SRP68: variants seen among roughly 807,000 people sequenced by gnomAD.
SRP68 encodes signal recognition particle 68, also known as signal recognition particle subunit SRP68.
A neutral mutation model predicts 82.2 loss-of-function variants in SRP68; 15 were observed. That is an observed-to-expected ratio of 0.18 (90% confidence interval 0.12 to 0.28). The LOEUF is 0.28. Among genes scored for constraint, SRP68 ranks in the 10% least tolerant of loss-of-function variants. The probability of loss-of-function intolerance (pLI) is 1.00; values close to 1 mark genes in which losing one functional copy is unlikely to be tolerated. For missense variants in SRP68, 595 were observed against 780.5 expected, an observed-to-expected ratio of 0.76 and a Z score of 2.83; for synonymous variants, 261 against 292.6, an observed-to-expected ratio of 0.89 and a Z score of 1.10.
chr17:76,045,509 G>A (rs1342639656), intron 11 of SRP68, 123 bp from the exon 12 acceptor site: 3 of 679,234 alleles, frequency 4.4e-6, no homozygotes, highest in Non-Finnish European at 7.4e-6. Flanking sequence ...AATACGATGG[G>A]GAAAAGCCTG....
At position 76,040,009 on chromosome 17, in the gene SRP68, G is replaced by T; in HGVS notation, c.1657-76C>A. 4.9e-6 allele frequency: 7 copies of T among 1,436,080 alleles called. No homozygotes were observed. The South Asian group carries it at 8.7e-5, about 18-fold the overall frequency. 89.0% of individuals were successfully genotyped at this position (1,436,080 alleles called of 1,614,324 possible). ...TGGTGAACATTCCTGAGTGCCGACT[G>T]CCTGGTTCAGAGCTTTACAGGGGCC... On this transcript the variant is annotated intron_variant, in intron 15 of 15. Coordinates refer to ENST00000307877, the MANE Select transcript of SRP68 (RefSeq NM_014230.4).
intron 1 of SRP68, 68 bp from the exon 2 acceptor site, chr17:76,070,512 G>T: frequency 7.6e-7 from 1 of 1,307,620 alleles, no homozygotes; most frequent in Non-Finnish European, 1.1e-6. Context: ...TGTACCATCA[G>T]TCTATATCTG....
Position 76,072,390 on chromosome 17 carries a change from T to G in SRP68, c.102A>C (p.Gly34=), listed in dbSNP as rs762679640. 6.2e-7 allele frequency: 1 copy of G among 1,604,126 alleles called. No homozygotes were observed. Among genetic ancestry groups the G allele is most frequent in the Non-Finnish European group, 8.5e-7 (1 of 1,176,586 alleles). ...GTTCGTTTTCTTTATTTTCTTCCCC[T>G]CCGGCACCACGTCCACCGCCGCTAC... ...GGGSGGGRGA[G]GEENKENERP... The change falls in exon 1 of 16, where the codon GGA becomes GGC. Residue 34 remains glycine (G), a synonymous_variant. Transcript: ENST00000307877. This position sits in a 1 kb window ranked among gnomAD's most constrained non-coding sequence, Gnocchi z 4.5.
chr17:76,063,026 T>C (rs985111745), intron 4 of SRP68, among the ~76,000 whole-genome samples: 10 of 151,352 alleles, frequency 6.6e-5, no homozygotes, highest in Admixed American at 2.0e-4. Context: ...CACCTTGGCC[T>C]CCCAAAGTGC....
chr17:76,053,163 G>A (rs1484116166), intron 8 of SRP68, among the ~76,000 whole-genome samples: 1 of 151,386 alleles, frequency 6.6e-6, no homozygotes, highest in Admixed American at 6.6e-5. Flanking sequence ...TATTCCAGGA[G>A]GCAAAGGTGG....
chr17:76,057,310 A>C, intron 8 of SRP68, 93 bp downstream of exon 8: 2 of 1,496,396 alleles, frequency 1.3e-6, no homozygotes, highest in Non-Finnish European at 1.8e-6. Flanking sequence ...TTGTTTTATG[A>C]GAACTGAATA....
At chr17:76,057,334 A>T in intron 8 of SRP68, 69 bp downstream of exon 8, 1 of 1,589,410 alleles carries the variant, frequency 6.3e-7, no homozygotes, top group Non-Finnish European at 8.6e-7. Flanking sequence ...ACGAGCCACT[A>T]CATCTTAAAC....
intron 12 of SRP68, 34 bp downstream of exon 12, chr17:76,045,258 G>A (rs759389552): frequency 6.5e-7 from 1 of 1,542,738 alleles, no homozygotes; most frequent in South Asian, 1.1e-5. Context: ...AACCTGGGAG[G>A]CGGAGGAAAA....
intron 12 of SRP68, 40 bp from the exon 13 acceptor site, chr17:76,043,998 C>T: frequency 6.3e-7 from 1 of 1,575,532 alleles, no homozygotes; most frequent in African/African-American, 1.4e-5. Flanking sequence ...TCTAAAGCAG[C>T]AATTACCCAA....
chr17:76,065,676 T>C (rs747234661), intron 3 of SRP68, among the ~76,000 whole-genome samples: 59 of 152,274 alleles, frequency 3.9e-4, no homozygotes, highest in East Asian at 2.1e-3. Flanking sequence ...CGACACAGAA[T>C]GTTCTTCACT....
intron 3 of SRP68, among the ~76,000 whole-genome samples, chr17:76,066,087 G>A (rs529356716): frequency 3.0e-4 from 46 of 152,118 alleles, no homozygotes; most frequent in Admixed American, 5.2e-4. Flanking sequence ...TTGCCTGACA[G>A]ACTAAAAATT....
Position 76,049,396 on chromosome 17 carries a change from GA to G in SRP68, c.1077+1031del, listed in dbSNP as rs1387800004. 19 of 152,332 alleles carry G rather than the reference GA, an allele frequency of 1.2e-4. 1 individual carries two copies. The highest frequency in any genetic ancestry group is 1.2e-3 in the Admixed American group (19 of 15,288). The allele number at this position is 152,332 out of a possible 1,614,324, so 9.4% of individuals were successfully genotyped here. On this transcript the variant is annotated intron_variant, in intron 9 of 15. Coordinates refer to ENST00000307877, the MANE Select transcript of SRP68 (RefSeq NM_014230.4). Reference sequence around the variant, plus strand: ...AAAAACAGATGGGGTTTGGACAGGTGAAGAGGGGCAGGAAAGATTACCCAAG... The same window carrying G: ...AAAAACAGATGGGGTTTGGACAGGTGAGAGGGGCAGGAAAGATTACCCAAG...
intron 8 of SRP68, chr17:76,053,600 T>C: frequency 1.0e-6 from 1 of 985,340 alleles, no homozygotes; most frequent in Non-Finnish European, 1.2e-6. Flanking sequence ...CCCACAAAGC[T>C]CTAAGTTCCC....
At chr17:76,050,298 CA>C in intron 9 of SRP68, 129 bp downstream of exon 9, 4 of 644,872 alleles carry the variant, frequency 6.2e-6, no homozygotes, top group Non-Finnish European at 1.1e-5. Flanking sequence ...GACCTCACCT[CA>C]AAAAAACAAA....
chr17:76,046,951 T>C (rs941027933), intron 10 of SRP68, among the ~76,000 whole-genome samples: 1 of 151,652 alleles, frequency 6.6e-6, no homozygotes, highest in African/African-American at 2.4e-5. Context: ...TCTAAATAAA[T>C]AAATAAACAG....
chr17:76,045,495 G>A lies in SRP68; in HGVS notation c.1300-109C>T, dbSNP rs1281663464. On this transcript the variant is annotated intron_variant, in intron 11 of 15. Coordinates refer to ENST00000307877, the MANE Select transcript of SRP68 (RefSeq NM_014230.4). ...AGAGTGAGGAAAAAAAAAAGCCCGA[G>A]GTCAATACGATGGGGAAAAGCCTGT... is the stretch of plus-strand genomic sequence containing the variant. The A allele has an allele frequency of 5.2e-6, 4 of 774,694 alleles. No individual in the cohort carries two copies. The Admixed American group carries it at 8.0e-5, about 15-fold the overall frequency. The allele number at this position is 774,694 out of a possible 1,614,324, so 48.0% of individuals were successfully genotyped here. A position where few individuals can be genotyped will look rare whatever the true frequency, so the allele number is the denominator to read the frequency against.
Position 76,043,637 on chromosome 17 carries a change from T to C in SRP68, c.1524+192A>G. 7.2e-6 allele frequency: 3 copies of C among 419,018 alleles called. No individual in the cohort carries two copies. In the East Asian group the frequency reaches 1.3e-4, roughly 18 times the overall value. 26.0% of individuals were successfully genotyped at this position (419,018 alleles called of 1,614,324 possible). A position where few individuals can be genotyped will look rare whatever the true frequency, so the allele number is the denominator to read the frequency against. The stretch of plus-strand genomic sequence containing the variant: ...CCTTCCCTTCTTCATACCTAAATCC[T>C]CCTCAGGCCTGGAGCACAGCCATGA... On this transcript the variant is annotated intron_variant, in intron 13 of 15. Transcript: ENST00000307877.
Position 76,039,517 on chromosome 17 carries a change from C to T in SRP68, c.*189G>A, listed in dbSNP as rs1184378767. On this transcript the variant is annotated 3_prime_UTR_variant, in exon 16 of 16. Transcript: ENST00000307877. Reference sequence around the variant, plus strand: ...CCTGCACACATTTACCAGAAGACAACAGGGTGCTCTCCTGACACGCTGCTT... The same window carrying T: ...CCTGCACACATTTACCAGAAGACAATAGGGTGCTCTCCTGACACGCTGCTT... 9.1e-6 allele frequency: 6 copies of T among 659,058 alleles called. No individual in the cohort carries two copies. Among genetic ancestry groups the T allele is most frequent in the Middle Eastern group, 2.5e-4 (1 of 3,956 alleles). 40.8% of individuals were successfully genotyped at this position (659,058 alleles called of 1,614,324 possible).
At chr17:76,057,581 G>C in intron 7 of SRP68, 38 bp from the exon 8 acceptor site, 2 of 1,608,228 alleles carry the variant, frequency 1.2e-6, no homozygotes, top group South Asian at 1.1e-5. Flanking sequence ...CTTTAACTGG[G>C]GATATGAGTG....
Sources: allele counts gnomAD v4.1 joint callset (sites outside exome capture counted in the v4.1 genomes callset), GRCh38; gene constraint gnomAD v4.1.1; non-coding constraint Gnocchi (gnomAD v3.1); transcripts MANE v1.5; gene names NCBI Gene and HGNC (gene_info 2026-07-23, HGNC 2026-07-21).